Variants in ABLIM1 observed in about 807,000 individuals in gnomAD.
ABLIM1 encodes actin binding LIM protein 1, also known as actin-binding LIM protein 1.
ABLIM1 carries 40 observed loss-of-function variants against 107.0 expected under a neutral mutation model. The ratio of observed to expected loss-of-function variants is 0.37; its 90% CI spans 0.29 to 0.49. The LOEUF is 0.49. Among genes scored for constraint, ABLIM1 ranks in the 20% least tolerant of loss-of-function variants. The pLI, the probability that ABLIM1 is intolerant of heterozygous loss-of-function variation, is 0.97. For synonymous variants in ABLIM1, 357 were observed against 357.3 expected (o/e 1.00, Z 0.01); for missense variants, 857 against 1,008.5 (o/e 0.85, Z 2.04).
chr10:114,709,670 A>G (rs1357711725), intron 1 of ABLIM1, among the ~76,000 whole-genome samples: 1 of 152,234 alleles, frequency 6.6e-6, no homozygotes, highest in East Asian at 1.9e-4. Flanking sequence ...AAAAAACTAC[A>G]AAGTTATTGT....
intron 12 of ABLIM1, among the ~76,000 whole-genome samples, chr10:114,457,100 T>A (rs2133118996): frequency 6.6e-6 from 1 of 152,240 alleles, no homozygotes; most frequent in South Asian, 2.1e-4. Context: ...TCACAACCGC[T>A]CATCGGGGAA....
At chr10:114,689,176 A>C (rs2141681743), upstream of ABLIM1, among the ~76,000 whole-genome samples, 1 of 152,240 alleles carries the variant, frequency 6.6e-6, no homozygotes, top group Admixed American at 6.5e-5. Context: ...GCCATCCAGC[A>C]TGTGCCAGAC....
intron 1 of ABLIM1, among the ~76,000 whole-genome samples, chr10:114,617,863 C>T (rs528770836): frequency 6.6e-5 from 10 of 152,062 alleles, no homozygotes; most frequent in Middle Eastern, 3.4e-3. Flanking sequence ...ATGTGTAATC[C>T]CAGCTTTTGG....
At chr10:114,713,624 C>CT (rs980782362) in intron 1 of ABLIM1, among the ~76,000 whole-genome samples, 7 of 152,272 alleles carry the variant, frequency 4.6e-5, no homozygotes, top group African/African-American at 1.7e-4. Context: ...TTGTGTTGGT[C>CT]TTTTTTTAGT....
At chr10:114,507,035 G>A (rs2061247966) in intron 6 of ABLIM1, among the ~76,000 whole-genome samples, 1 of 152,144 alleles carries the variant, frequency 6.6e-6, no homozygotes, top group Non-Finnish European at 1.5e-5. Flanking sequence ...TTTTACAGAT[G>A]GTTCAGCTCT....
chr10:114,584,270 A>G (rs1591396792), intron 2 of ABLIM1, among the ~76,000 whole-genome samples: 2 of 152,132 alleles, frequency 1.3e-5, no homozygotes, highest in East Asian at 3.9e-4. Flanking sequence ...CAATCACTTC[A>G]CCCCAATTAG....
intron 10 of ABLIM1, among the ~76,000 whole-genome samples, chr10:114,469,935 A>G (rs1363403818): frequency 4.6e-5 from 7 of 152,094 alleles, no homozygotes; most frequent in Non-Finnish European, 7.4e-5. Context: ...AAGTGGGCGG[A>G]CTGTCTGTAT....
At chr10:114,570,448 A>T (rs1419183233) in intron 4 of ABLIM1, among the ~76,000 whole-genome samples, 2 of 152,138 alleles carry the variant, frequency 1.3e-5, no homozygotes, top group Admixed American at 6.6e-5. Flanking sequence ...CTTAGGTGTC[A>T]TATTTGAGAG....
intron 7 of ABLIM1, among the ~76,000 whole-genome samples, chr10:114,490,363 T>G (rs1465227218): frequency 6.6e-6 from 1 of 152,204 alleles, no homozygotes; most frequent in Non-Finnish European, 1.5e-5. Flanking sequence ...CTAGCCTTTT[T>G]TAAGGGGAGA....
rs995713856 is a variant in ABLIM1, at chr10:114,514,551, AT to A, written c.895-22674del. ...CACCATACCCAACTAATTTAAAAAA[AT>A]TTTTTTTGTAGAGACAGGGTCTCCC... On this transcript the variant is annotated intron_variant, in intron 6 of 22. Transcript: ENST00000533213. Among the ~76,000 whole-genome samples the A allele has an allele frequency of 1.1e-4, 17 of 151,652 alleles. No individual in the cohort carries two copies. In the East Asian group the frequency reaches 2.3e-3, roughly 21 times the overall value.
rs200337049 is a variant in ABLIM1 at position 114,575,585 on chromosome 10, G to C, written c.394C>G (p.Leu132Val). ...CFTCKVCGCDLAQGGFFIKNG... is the reference protein window; with the variant it reads ...CFTCKVCGCDVAQGGFFIKNG... ...TTTATGAAGAAGCCCCCTTGTGCCA[G>C]GTCACAGCCACACACTGTAGAGAGA... Residue 132 changes from leucine to valine, a missense_variant, in exon 3 of 23, where the codon CTG becomes GTG. Physicochemically the swap from Leu to Val is conservative, Grantham distance 32 (BLOSUM62 1). Transcript: ENST00000533213. 46 of 1,613,728 alleles carry C rather than the reference G, an allele frequency of 2.9e-5. No individual in the cohort carries two copies. Among genetic ancestry groups the C allele is most frequent in the Non-Finnish European group, 3.9e-5 (46 of 1,179,770 alleles).
In ABLIM1 at chr10:114,436,201, C is replaced by T; in HGVS notation, c.*59G>A. 7.2e-7 allele frequency: 1 copy of T among 1,388,136 alleles called. No homozygotes were observed. The highest frequency in any genetic ancestry group is 1.4e-5 in the African/African-American group (1 of 69,372). The allele number at this position is 1,388,136 out of a possible 1,614,324, so 86.0% of individuals were successfully genotyped here. On this transcript the variant is annotated 3_prime_UTR_variant, in exon 23 of 23. Transcript: ENST00000533213. ...CAATCAAGTTTGGGCCTCAATATGACATCCTATGGGGCACCGCCACTGTCA... is the reference window on the plus strand; with the variant it reads ...CAATCAAGTTTGGGCCTCAATATGATATCCTATGGGGCACCGCCACTGTCA...
At chr10:114,520,976 T>TA (rs2063645222) in intron 6 of ABLIM1, among the ~76,000 whole-genome samples, 1 of 152,088 alleles carries the variant, frequency 6.6e-6, no homozygotes, top group Non-Finnish European at 1.5e-5. Flanking sequence ...ACCCTGTTTC[T>TA]AAAAAAACAA....
intron 8 of ABLIM1, among the ~76,000 whole-genome samples, chr10:114,486,506 A>T (rs917131495): frequency 6.6e-6 from 1 of 152,204 alleles, no homozygotes; most frequent in African/African-American, 2.4e-5. Context: ...TTATAAAGGT[A>T]ACTCATTTCC....
At chr10:114,445,268 G>A (rs2060842480) in intron 16 of ABLIM1, 44 bp downstream of exon 16, 1 of 1,520,650 alleles carries the variant, frequency 6.6e-7, no homozygotes, top group Non-Finnish European at 9.1e-7. Flanking sequence ...TAGATCTTAT[G>A]TAACTAGCAT....
chr10:114,651,844 G>T (rs1177277140), intron 1 of ABLIM1, among the ~76,000 whole-genome samples: 1 of 152,124 alleles, frequency 6.6e-6, no homozygotes, highest in East Asian at 1.9e-4. Context: ...TGTTTGGGGG[G>T]AACCATATCC....
At chr10:114,644,831 A>G (rs1176618145) in intron 1 of ABLIM1, among the ~76,000 whole-genome samples, 2 of 152,224 alleles carry the variant, frequency 1.3e-5, no homozygotes, top group East Asian at 3.8e-4. Flanking sequence ...CCATGTGTAG[A>G]CCAAAGTCCC....
At chr10:114,765,702 T>C (rs2082876028) in intron 1 of ABLIM1, among the ~76,000 whole-genome samples, 2 of 152,212 alleles carry the variant, frequency 1.3e-5, no homozygotes, top group African/African-American at 2.4e-5. Flanking sequence ...AGAATTTTTT[T>C]TCAAATTCAC....
At chr10:114,457,951 T>TA (rs2063139456) in intron 12 of ABLIM1, among the ~76,000 whole-genome samples, 1 of 152,098 alleles carries the variant, frequency 6.6e-6, no homozygotes, top group East Asian at 1.9e-4. Flanking sequence ...CAGGCATCTG[T>TA]AATCCCAGCT....
Sources: gnomAD v4.1 joint callset for allele counts (sites outside exome capture counted in the v4.1 genomes callset) on GRCh38, gnomAD v4.1.1 for gene constraint, MANE v1.5 for transcripts, NCBI Gene and HGNC (gene_info 2026-07-23, HGNC 2026-07-21) for gene names.